DUSP13B: variants seen among roughly 807,000 people sequenced by gnomAD.
DUSP13B encodes the protein dual specificity protein phosphatase 13B.
the DUSP13B span, chr10:75,099,815 T>G: frequency 5.7e-6 from 1 of 174,486 alleles, no homozygotes; most frequent in East Asian, 1.6e-4. Context: ...GAGCAAGTCT[T>G]TGCTCCCATC....
At chr10:75,095,168 G>C in the DUSP13B span, among the ~76,000 whole-genome samples, 1 of 152,144 alleles carries the variant, frequency 6.6e-6, no homozygotes, top group Admixed American at 6.5e-5. Context: ...GAATTCCTGA[G>C]GTCACTGGGT....
chr10:75,094,831 G>C, the DUSP13B span: 1 of 1,614,220 alleles, frequency 6.2e-7, no homozygotes, highest in Non-Finnish European at 8.5e-7. Flanking sequence ...GCCAGGACAA[G>C]TGTGGCAGAG....
At chr10:75,095,722 A>G in the DUSP13B span, 1 of 1,614,212 alleles carries the variant, frequency 6.2e-7, no homozygotes, top group Non-Finnish European at 8.5e-7. Context: ...TCCACCTGGA[A>G]CTTGCCTGCA....
the DUSP13B span, chr10:75,099,673 G>T: frequency 1.1e-5 from 7 of 621,358 alleles, no homozygotes; most frequent in Non-Finnish European, 1.4e-5. Context: ...ATCTGTTTGG[G>T]ATTGAAGACC....
chr10:75,104,593 G>GGA, the DUSP13B span, among the ~76,000 whole-genome samples: 1 of 152,186 alleles, frequency 6.6e-6, no homozygotes, highest in South Asian at 2.1e-4. Flanking sequence ...CCTGTCTAGA[G>GGA]GAGAGAGAGC....
chr10:75,100,292 G>C, the DUSP13B span, among the ~76,000 whole-genome samples: 1 of 152,132 alleles, frequency 6.6e-6, no homozygotes, highest in Admixed American at 6.5e-5. Flanking sequence ...CTCTCCCCTG[G>C]ACTTAGCGCT....
the DUSP13B span, among the ~76,000 whole-genome samples, chr10:75,103,064 A>G: frequency 6.6e-6 from 1 of 152,164 alleles, no homozygotes. Context: ...AGTGAGCCCT[A>G]ATCCTTGACC....
the DUSP13B span, chr10:75,095,727 C>T: frequency 1.2e-6 from 2 of 1,614,104 alleles, no homozygotes; most frequent in Admixed American, 1.7e-5. Flanking sequence ...CTGGAACTTG[C>T]CTGCAGCGGC....
At chr10:75,102,437 C>T in the DUSP13B span, among the ~76,000 whole-genome samples, 2 of 151,468 alleles carry the variant, frequency 1.3e-5, no homozygotes, top group East Asian at 1.9e-4. Context: ...GGCGAGACTC[C>T]GTCTCAAAAA....
chr10:75,097,197 T>G, the DUSP13B span, among the ~76,000 whole-genome samples: 2 of 150,708 alleles, frequency 1.3e-5, no homozygotes, highest in African/African-American at 4.9e-5. Context: ...CTGTGCACAT[T>G]TCCTTTTTCC....
the DUSP13B span, chr10:75,103,958 C>G: frequency 7.5e-7 from 1 of 1,327,444 alleles, no homozygotes. Flanking sequence ...GATGGAGTAG[C>G]AGGCTCTAGG....
chr10:75,103,336 C>T, the DUSP13B span, among the ~76,000 whole-genome samples: 956 of 152,328 alleles, frequency 6.3e-3, 39 homozygotes, highest in Admixed American at 0.059. Flanking sequence ...GGAAGCAGCA[C>T]AGGCCCACAC....
At chr10:75,095,401 AG>A in the DUSP13B span, among the ~76,000 whole-genome samples, 12 of 152,216 alleles carry the variant, frequency 7.9e-5, no homozygotes. Flanking sequence ...GCTAGCCTCC[AG>A]GGTGTCCCTG....
chr10:75,094,970 A>C, the DUSP13B span: 1 of 1,113,024 alleles, frequency 9.0e-7, no homozygotes. Context: ...CCTCTACAGT[A>C]TCCTGGAATA....
At chr10:75,099,013 C>A in the DUSP13B span, 2 of 1,232,322 alleles carry the variant, frequency 1.6e-6, no homozygotes, top group Non-Finnish European at 2.0e-6. Context: ...CCTACAGGCC[C>A]TGGGTTTTCC....
chr10:75,099,345 C>T, the DUSP13B span: 47 of 1,232,094 alleles, frequency 3.8e-5, 1 homozygote, highest in Admixed American at 3.4e-4. Context: ...GGGAGGCTGT[C>T]GGGCAAGGCG....
At chr10:75,095,499 C>T in the DUSP13B span, 6 of 1,355,128 alleles carry the variant, frequency 4.4e-6, no homozygotes, top group South Asian at 4.9e-5. Context: ...GACTCCCACC[C>T]ACCAGTGCTA....
At chr10:75,105,624 G>A in the DUSP13B span, 72 of 1,536,084 alleles carry the variant, frequency 4.7e-5, no homozygotes, top group Non-Finnish European at 5.1e-5. Context: ...GGCCTCTTCC[G>A]GCCAACCACA....
At chr10:75,096,277 A>C in the DUSP13B span, among the ~76,000 whole-genome samples, 1 of 151,024 alleles carries the variant, frequency 6.6e-6, no homozygotes, top group African/African-American at 2.5e-5. Context: ...ACAACAACAA[A>C]AAATAGACTC....
Sources: gnomAD v4.1 joint callset for allele counts (sites outside exome capture counted in the v4.1 genomes callset) on GRCh38, gnomAD v4.1.1 for gene constraint, MANE v1.5 for transcripts, NCBI Gene and HGNC (gene_info 2026-07-23, HGNC 2026-07-21) for gene names.